UST: variants seen among roughly 807,000 people sequenced by gnomAD.
UST encodes the protein uronyl 2-sulfotransferase.
A neutral mutation model predicts 45.6 loss-of-function variants in UST; 21 were observed. That is an observed-to-expected ratio of 0.46 (90% CI 0.33 to 0.66). The LOEUF (loss-of-function observed/expected upper bound fraction) is 0.66. Among genes scored for constraint, UST ranks in the 30% least tolerant of loss-of-function variants. The probability of loss-of-function intolerance (pLI) is 0.02; values close to 1 mark genes in which losing one functional copy is unlikely to be tolerated. For missense variants in UST, 463 were observed against 512.4 expected (o/e 0.90, Z 0.93); for synonymous variants, 215 against 200.6 (o/e 1.07, Z -0.61).
intron 4 of UST, among the ~76,000 whole-genome samples, chr6:148,959,340 G>T (rs748353803): frequency 6.6e-6 from 1 of 152,178 alleles, no homozygotes; most frequent in Non-Finnish European, 1.5e-5. Context: ...TCAATTCTGT[G>T]CCCTTCAAAT....
At chr6:148,928,641 T>C (rs1439835777) in intron 2 of UST, among the ~76,000 whole-genome samples, 2 of 152,234 alleles carry the variant, frequency 1.3e-5, no homozygotes. Flanking sequence ...GAGCATTCCA[T>C]GATCAGATCT....
At chr6:148,808,859 G>A (rs1469673548) in intron 1 of UST, among the ~76,000 whole-genome samples, 3 of 152,174 alleles carry the variant, frequency 2.0e-5, no homozygotes, top group Admixed American at 1.3e-4. Flanking sequence ...CAGCATGTGA[G>A]GACACAGTGA....
chr6:149,017,797 TATACACACACAC>T (rs1030506849), intron 5 of UST, among the ~76,000 whole-genome samples: 12 of 59,376 alleles, frequency 2.0e-4, no homozygotes, highest in Admixed American at 1.8e-3. Flanking sequence ...AATATCCATA[TATACACACACAC>T]ACACACACAC....
chr6:148,821,998 A>G (rs1366899140), intron 1 of UST, among the ~76,000 whole-genome samples: 1 of 152,174 alleles, frequency 6.6e-6, no homozygotes, highest in African/African-American at 2.4e-5. Context: ...TTACTTTATA[A>G]TAAAACAAGA....
chr6:148,762,623 A>C (rs1296264151), intron 1 of UST, among the ~76,000 whole-genome samples: 1 of 150,596 alleles, frequency 6.6e-6, no homozygotes, highest in South Asian at 2.1e-4. Flanking sequence ...TTGGGTTCCT[A>C]GTGTACCCAT....
chr6:148,987,783 A>G (rs1370550544), intron 5 of UST, among the ~76,000 whole-genome samples: 2 of 152,142 alleles, frequency 1.3e-5, no homozygotes, highest in Non-Finnish European at 2.9e-5. Context: ...TCCTACTGCC[A>G]TGACACTAAC....
intron 5 of UST, among the ~76,000 whole-genome samples, chr6:148,995,562 AAAAT>A (rs1781438793): frequency 6.6e-6 from 1 of 152,262 alleles, no homozygotes; most frequent in Admixed American, 6.5e-5. Flanking sequence ...AGCAGGTTAT[AAAAT>A]CTTATTTTGA....
At chr6:148,772,059 A>C (rs1177888568) in intron 1 of UST, among the ~76,000 whole-genome samples, 1 of 152,214 alleles carries the variant, frequency 6.6e-6, no homozygotes, top group Non-Finnish European at 1.5e-5. Context: ...GGCTGTTTAT[A>C]AAAGTGAAAG....
chr6:149,014,308 C>T (rs1004312890), intron 5 of UST, among the ~76,000 whole-genome samples: 9 of 152,326 alleles, frequency 5.9e-5, no homozygotes, highest in African/African-American at 2.2e-4. Context: ...CTTGGAAGTC[C>T]TTTCATGGGC....
At chr6:148,757,840 G>C (rs1195446802) in intron 1 of UST, among the ~76,000 whole-genome samples, 1 of 152,226 alleles carries the variant, frequency 6.6e-6, no homozygotes, top group African/African-American at 2.4e-5. Context: ...AGAAGCATCA[G>C]GCAGTAGGAA....
intron 7 of UST, among the ~76,000 whole-genome samples, chr6:149,030,528 C>A (rs1030219067): frequency 1.3e-5 from 2 of 152,072 alleles, no homozygotes; most frequent in Non-Finnish European, 2.9e-5. Context: ...TCCAACGTAT[C>A]TGTCTGTTCA....
At chr6:148,780,954 C>T (rs1776632239) in intron 1 of UST, among the ~76,000 whole-genome samples, 1 of 152,108 alleles carries the variant, frequency 6.6e-6, no homozygotes, top group African/African-American at 2.4e-5. Flanking sequence ...TCTGACTGCT[C>T]CACCTACCTG....
At chr6:149,012,543 T>C (rs757233615) in intron 5 of UST, among the ~76,000 whole-genome samples, 1 of 152,200 alleles carries the variant, frequency 6.6e-6, no homozygotes, top group Non-Finnish European at 1.5e-5. Flanking sequence ...ATATCCATAT[T>C]TTTAGCGTGT....
chr6:148,778,845 T>C (rs1025588319), intron 1 of UST, among the ~76,000 whole-genome samples: 1 of 152,064 alleles, frequency 6.6e-6, no homozygotes, highest in African/African-American at 2.4e-5. Flanking sequence ...AGAGCTCTGG[T>C]CATCTCTGAT....
intron 1 of UST, among the ~76,000 whole-genome samples, chr6:148,827,649 G>A (rs367795026): frequency 1.1e-4 from 16 of 148,892 alleles, no homozygotes; most frequent in African/African-American, 2.7e-4. Flanking sequence ...CTAAACTCCC[G>A]AAGAGAGGAT....
intron 5 of UST, among the ~76,000 whole-genome samples, chr6:148,990,693 C>T (rs982758484): frequency 4.6e-5 from 7 of 152,108 alleles, no homozygotes; most frequent in East Asian, 1.9e-4. Context: ...CAAAGAGGCT[C>T]GGCATTAATT....
At chr6:148,901,303 T>C (rs1009534726) in intron 2 of UST, among the ~76,000 whole-genome samples, 4 of 152,202 alleles carry the variant, frequency 2.6e-5, no homozygotes, top group Non-Finnish European at 5.9e-5. Context: ...TGGAAATCCA[T>C]ATTAATCAAG....
At chr6:148,966,716 G>T (rs936728247) in intron 5 of UST, among the ~76,000 whole-genome samples, 6 of 152,150 alleles carry the variant, frequency 3.9e-5, no homozygotes, top group African/African-American at 1.4e-4. Flanking sequence ...AAAAAATTAT[G>T]GTTTGGAGTT....
chr6:148,855,464 GC>G (rs1292729076), intron 1 of UST, among the ~76,000 whole-genome samples: 63 of 152,370 alleles, frequency 4.1e-4, no homozygotes, highest in African/African-American at 1.3e-3. Context: ...GGTGAGGAAG[GC>G]CAGTGGGAAC....
Sources: allele counts gnomAD v4.1 joint callset (sites outside exome capture counted in the v4.1 genomes callset), GRCh38; gene constraint gnomAD v4.1.1; transcripts MANE v1.5; gene names NCBI Gene and HGNC (gene_info 2026-07-23, HGNC 2026-07-21).